The following KLHDC4 variants were observed in gnomAD, a reference collection of about 807,000 sequenced individuals.
KLHDC4 encodes the protein kelch domain-containing protein 4.
KLHDC4 carries 90 observed loss-of-function variants against 62.4 expected under a neutral mutation model. The observed-to-expected ratio is 1.44, with a 90% CI of 1.22 to 1.72. The LOEUF (loss-of-function observed/expected upper bound fraction) is 1.72. KLHDC4 is among the 40% of genes most tolerant of loss of function. KLHDC4 has a pLI of 0.00. For missense variants in KLHDC4, 1,025 were observed against 699.7 expected (o/e 1.47, Z -5.25); for synonymous variants, 386 against 284.4 (o/e 1.36, Z -3.59).
intron 5 of KLHDC4, among the ~76,000 whole-genome samples, chr16:87,736,850 C>A (rs868523606): frequency 6.6e-6 from 1 of 152,018 alleles, no homozygotes; most frequent in South Asian, 2.1e-4. Context: ...ATCGGCCGGG[C>A]GCGGTGGCTC....
chr16:87,729,411 TAC>T (rs1342829932), intron 6 of KLHDC4: 3 of 152,182 alleles, frequency 2.0e-5, no homozygotes, highest in African/African-American at 7.2e-5. Context: ...GCCCCGGAGA[TAC>T]AGACAGCCAC....
At position 87,760,062 on chromosome 16, in the gene KLHDC4, T is replaced by G. The variant is rs548193357; in HGVS notation, c.191+1887A>C. ...AGTAATATGATTAAGAAATAGGAAG[T>G]TGGAAGATATTAAGGTTACCAAGCA... is the stretch of plus-strand genomic sequence containing the variant. On this transcript the variant is annotated intron_variant, in intron 2 of 11. Transcript: ENST00000270583. Among the ~76,000 whole-genome samples the G allele has an allele frequency of 8.6e-5, 13 of 151,776 alleles. No individual in the cohort carries two copies. The South Asian group carries it at 2.7e-3, about 32-fold the overall frequency.
At chr16:87,730,500 C>A (rs1327214257) in intron 6 of KLHDC4, 52 bp downstream of exon 6, 2 of 1,387,254 alleles carry the variant, frequency 1.4e-6, no homozygotes, top group Non-Finnish European at 2.0e-6. Flanking sequence ...CTATAAAAAG[C>A]CCACTCCTTA....
intron 7 of KLHDC4, among the ~76,000 whole-genome samples, chr16:87,722,356 G>A (rs1387860303): frequency 6.6e-6 from 1 of 152,178 alleles, no homozygotes; most frequent in Admixed American, 6.5e-5. Flanking sequence ...CTGGTTACAG[G>A]AGGAGGAAGG....
chr16:87,754,421 T>C (rs759238107), intron 4 of KLHDC4, among the ~76,000 whole-genome samples: 3 of 152,262 alleles, frequency 2.0e-5, no homozygotes. Flanking sequence ...AGCCTGCATC[T>C]GCACGGGATG....
At chr16:87,727,963 A>T (rs1300572736) in intron 6 of KLHDC4, among the ~76,000 whole-genome samples, 1 of 152,170 alleles carries the variant, frequency 6.6e-6, no homozygotes, top group East Asian at 1.9e-4. Flanking sequence ...AGGCAGGTAG[A>T]TCACTTGAGG....
chr16:87,755,309 G>T lies in KLHDC4; in HGVS notation c.271-17C>A. On this transcript the variant is annotated splice_polypyrimidine_tract_variant and intron_variant, in intron 3 of 11. Transcript: ENST00000270583. ...CAAAAAAGTCTACAGGAAGGAAGAA[G>T]AATGTCAGTGTCACAAATGATACGC... is the stretch of plus-strand genomic sequence containing the variant. 1.5e-6 allele frequency: 2 copies of T among 1,335,238 alleles called. No individual in the cohort carries two copies. Among genetic ancestry groups the T allele is most frequent in the South Asian group, 1.2e-5 (1 of 84,626 alleles). The allele number at this position is 1,335,238 out of a possible 1,614,324, so 82.7% of individuals were successfully genotyped here. A position where few individuals can be genotyped will look rare whatever the true frequency, so the allele number is the denominator to read the frequency against.
downstream of KLHDC4, chr16:87,703,521 C>G (rs776121192): frequency 2.0e-5 from 3 of 152,272 alleles, no homozygotes; most frequent in Non-Finnish European, 2.9e-5. Flanking sequence ...TGTGTGCGTT[C>G]ATGTAATTAA....
At chr16:87,717,949 C>A (rs2037332483) in intron 7 of KLHDC4, among the ~76,000 whole-genome samples, 1 of 152,270 alleles carries the variant, frequency 6.6e-6, no homozygotes, top group South Asian at 2.1e-4. Flanking sequence ...CCCCTCCAGA[C>A]CATGCAAGCC....
chr16:87,755,427 C>T (rs1427128975), intron 3 of KLHDC4, 135 bp from the exon 4 acceptor site: 3 of 557,568 alleles, frequency 5.4e-6, no homozygotes, highest in Non-Finnish European at 9.7e-6. Flanking sequence ...CACAGGGAGG[C>T]CATGGGCTGG....
chr16:87,708,510 G>C, intron 10 of KLHDC4, 44 bp from the exon 11 acceptor site: 6 of 1,455,120 alleles, frequency 4.1e-6, no homozygotes, highest in Non-Finnish European at 5.6e-6. Context: ...GCGCAGCTGA[G>C]GCAGGTGGGG....
chr16:87,758,421 G>T (rs1597395524), intron 2 of KLHDC4, among the ~76,000 whole-genome samples: 1 of 152,272 alleles, frequency 6.6e-6, no homozygotes, highest in South Asian at 2.1e-4. Flanking sequence ...GATGAACTTG[G>T]ACATACCAGG....
intron 2 of KLHDC4, among the ~76,000 whole-genome samples, chr16:87,760,850 T>C (rs561713444): frequency 6.6e-5 from 10 of 151,964 alleles, no homozygotes; most frequent in Middle Eastern, 6.8e-3. Flanking sequence ...CAGGCCAACA[T>C]GGCAAAACCC....
intron 8 of KLHDC4, among the ~76,000 whole-genome samples, chr16:87,712,694 T>C (rs2036142716): frequency 6.6e-6 from 1 of 152,220 alleles, no homozygotes; most frequent in African/African-American, 2.4e-5. Context: ...GACAGGCAAA[T>C]GGGTGTGGAC....
rs186924277 is a variant in KLHDC4 at position 87,710,048 on chromosome 16, G to A, written c.1045-381C>T. Reference sequence around the variant, plus strand: ...TCACCCACAGTGCTGGCTCCCAGAAGGGCTGGGGAAGCCAGGCTGAGGGGC... The same window carrying A: ...TCACCCACAGTGCTGGCTCCCAGAAAGGCTGGGGAAGCCAGGCTGAGGGGC... On this transcript the variant is annotated intron_variant, in intron 9 of 11. Coordinates refer to ENST00000270583, the MANE Select transcript of KLHDC4 (RefSeq NM_017566.4). 17 of 199,682 alleles carry A rather than the reference G, an allele frequency of 8.5e-5. No homozygotes were observed. In the East Asian group the frequency reaches 1.9e-3, roughly 23 times the overall value. The allele number at this position is 199,682 out of a possible 1,614,324, so 12.4% of individuals were successfully genotyped here. A position where few individuals can be genotyped will look rare whatever the true frequency, so the allele number is the denominator to read the frequency against.
chr16:87,704,048 C>T (rs1447894087), downstream of KLHDC4, among the ~76,000 whole-genome samples: 1 of 152,256 alleles, frequency 6.6e-6, no homozygotes, highest in Non-Finnish European at 1.5e-5. Context: ...GTGATCACAG[C>T]TAGAGCTCGG....
chr16:87,753,537 C>T (rs544174211), intron 4 of KLHDC4, among the ~76,000 whole-genome samples: 2 of 152,118 alleles, frequency 1.3e-5, no homozygotes, highest in East Asian at 1.9e-4. Context: ...CAGTGGCTCA[C>T]GCCTGTAATC....
chr16:87,736,125 C>T (rs1567749534), intron 5 of KLHDC4, among the ~76,000 whole-genome samples: 1 of 152,140 alleles, frequency 6.6e-6, no homozygotes, highest in African/African-American at 2.4e-5. Flanking sequence ...TTGTGCTGTC[C>T]GAGTGCACGC....
At chr16:87,752,905 C>A (rs570627201) in intron 4 of KLHDC4, among the ~76,000 whole-genome samples, 4 of 152,340 alleles carry the variant, frequency 2.6e-5, no homozygotes, top group South Asian at 2.1e-4. Flanking sequence ...AAGGAAAAAA[C>A]CAGACGAAAT....
Sources: allele counts gnomAD v4.1 joint callset (sites outside exome capture counted in the v4.1 genomes callset), GRCh38; gene constraint gnomAD v4.1.1; transcripts MANE v1.5; gene names NCBI Gene and HGNC (gene_info 2026-07-23, HGNC 2026-07-21).